The following RBMS3 variants were observed in gnomAD, a reference collection of about 807,000 sequenced individuals.
The protein encoded by RBMS3 is RNA-binding motif, single-stranded-interacting protein 3.
Under a neutral mutation model 66.8 loss-of-function variants are expected in RBMS3, and 27 were observed. The ratio of observed to expected loss-of-function variants is 0.40; its 90% CI spans 0.30 to 0.56. The LOEUF (loss-of-function observed/expected upper bound fraction) is 0.56, where lower values mean the gene tolerates loss of function less well. Ranked by LOEUF, RBMS3 falls within the 20% of genes least tolerant of loss-of-function variation. The probability of loss-of-function intolerance (pLI) is 0.40; values close to 1 mark genes in which losing one functional copy is unlikely to be tolerated. For synonymous variants in RBMS3, 188 were observed against 183.0 expected (o/e 1.03, Z -0.22); for missense variants, 513 against 549.5 (o/e 0.93, Z 0.66).
intron 1 of RBMS3, among the ~76,000 whole-genome samples, chr3:29,369,521 C>T (rs1310886429): frequency 6.8e-6 from 1 of 147,256 alleles, no homozygotes; most frequent in Non-Finnish European, 1.5e-5. Context: ...CACACACACA[C>T]ACACACACAC....
intron 3 of RBMS3, among the ~76,000 whole-genome samples, chr3:29,549,059 G>GTTTTTTTTT (rs5847579): frequency 1.2e-5 from 1 of 85,362 alleles, no homozygotes; most frequent in Non-Finnish European, 2.3e-5. Context: ...TCCTACTTCT[G>GTTTTTTTTT]TTTTTTTTTT....
At chr3:29,514,327 A>G (rs1395322224) in intron 3 of RBMS3, among the ~76,000 whole-genome samples, 1 of 152,108 alleles carries the variant, frequency 6.6e-6, no homozygotes, top group Admixed American at 6.6e-5. Context: ...AAAGCTACTC[A>G]GACTTCCTTA....
intron 8 of RBMS3, among the ~76,000 whole-genome samples, chr3:29,895,952 G>A (rs1176611381): frequency 2.0e-5 from 3 of 151,112 alleles, no homozygotes; most frequent in Non-Finnish European, 4.4e-5. Context: ...TATATCAGGT[G>A]TATAGTCAGT....
chr3:29,842,477 A>C (rs745740054), intron 6 of RBMS3, among the ~76,000 whole-genome samples: 1 of 152,186 alleles, frequency 6.6e-6, no homozygotes, highest in East Asian at 1.9e-4. Flanking sequence ...ATGGCTCAAT[A>C]AACGTTTATT....
chr3:29,844,705 G>A (rs1157445842), intron 6 of RBMS3, among the ~76,000 whole-genome samples: 1 of 152,204 alleles, frequency 6.6e-6, no homozygotes, highest in African/African-American at 2.4e-5. Flanking sequence ...TATGATTTGA[G>A]TAAGTTATTT....
chr3:29,567,251 A>T (rs1230188822), intron 3 of RBMS3, among the ~76,000 whole-genome samples: 1 of 152,184 alleles, frequency 6.6e-6, no homozygotes, highest in Admixed American at 6.6e-5. Context: ...TTATATTTAC[A>T]TCCTGACTGG....
At chr3:29,736,209 G>A (rs1404996063) in intron 4 of RBMS3, among the ~76,000 whole-genome samples, 2 of 152,070 alleles carry the variant, frequency 1.3e-5, no homozygotes, top group Non-Finnish European at 2.9e-5. Flanking sequence ...TCAAAGAACA[G>A]AATTACTTAA....
chr3:29,384,830 C>A (rs1046648029), intron 1 of RBMS3, among the ~76,000 whole-genome samples: 1 of 152,132 alleles, frequency 6.6e-6, no homozygotes, highest in Non-Finnish European at 1.5e-5. Flanking sequence ...GTGTTGTGAG[C>A]GGGGAAGAGA....
chr3:30,003,499 C>A (rs1699702436), intron 14 of RBMS3, among the ~76,000 whole-genome samples: 1 of 151,908 alleles, frequency 6.6e-6, no homozygotes, highest in South Asian at 2.1e-4. Flanking sequence ...AGATAACATA[C>A]AACCCAGTTA....
intron 3 of RBMS3, among the ~76,000 whole-genome samples, chr3:29,532,404 A>G (rs1576143457): frequency 6.6e-6 from 1 of 151,206 alleles, no homozygotes; most frequent in Non-Finnish European, 1.5e-5. Context: ...GCTTTGGGGG[A>G]AACTGAGTGA....
intron 4 of RBMS3, among the ~76,000 whole-genome samples, chr3:29,661,963 C>T (rs2050570773): frequency 6.6e-6 from 1 of 152,138 alleles, no homozygotes; most frequent in African/African-American, 2.4e-5. Flanking sequence ...CACAATGTAC[C>T]GCAAACATTG....
chr3:29,587,741 T>C (rs1364846853), intron 4 of RBMS3, among the ~76,000 whole-genome samples: 1 of 152,114 alleles, frequency 6.6e-6, no homozygotes, highest in South Asian at 2.1e-4. Context: ...AACTGAAGTG[T>C]ACCGTGTCTG....
intron 12 of RBMS3, among the ~76,000 whole-genome samples, chr3:29,954,816 C>T (rs1409575206): frequency 6.6e-6 from 1 of 151,982 alleles, no homozygotes; most frequent in Non-Finnish European, 1.5e-5. Flanking sequence ...CAACACCTAG[C>T]ACTTCTCTTT....
chr3:29,416,314 C>G (rs2040474549), intron 1 of RBMS3, among the ~76,000 whole-genome samples: 2 of 151,562 alleles, frequency 1.3e-5, no homozygotes, highest in South Asian at 4.2e-4. Context: ...TTTTCCCCAA[C>G]CTCTTCTATA....
At chr3:29,764,830 T>C (rs2055854971) in intron 6 of RBMS3, among the ~76,000 whole-genome samples, 1 of 152,020 alleles carries the variant, frequency 6.6e-6, no homozygotes, top group African/African-American at 2.4e-5. Flanking sequence ...CTATCTAATA[T>C]CATAGCTACA....
intron 6 of RBMS3, among the ~76,000 whole-genome samples, chr3:29,802,749 G>A (rs1477635871): frequency 6.6e-6 from 1 of 152,194 alleles, no homozygotes; most frequent in Admixed American, 6.5e-5. Flanking sequence ...TGACAGAGAA[G>A]AGGGACAGGT....
intron 4 of RBMS3, among the ~76,000 whole-genome samples, chr3:29,678,358 G>T (rs118163399): frequency 0.014 from 2,063 of 151,978 alleles, 29 homozygotes; most frequent in Middle Eastern, 0.041. Flanking sequence ...ATATTATTAG[G>T]GGTTAGGAAG....
chr3:29,795,072 C>A (rs1164102422), intron 6 of RBMS3, among the ~76,000 whole-genome samples: 1 of 152,158 alleles, frequency 6.6e-6, no homozygotes, highest in African/African-American at 2.4e-5. Flanking sequence ...TGTGTGTTAT[C>A]ATAGGAAATA....
intron 6 of RBMS3, among the ~76,000 whole-genome samples, chr3:29,808,681 G>T (rs2057632709): frequency 6.6e-6 from 1 of 151,874 alleles, no homozygotes; most frequent in South Asian, 2.1e-4. Context: ...TTAACGCCTG[G>T]TTAAACTCTT....
Sources: allele counts gnomAD v4.1 joint callset (sites outside exome capture counted in the v4.1 genomes callset), GRCh38; gene constraint gnomAD v4.1.1; transcripts MANE v1.5; gene names NCBI Gene and HGNC (gene_info 2026-07-23, HGNC 2026-07-21).